Variants in MEI4 observed in about 807,000 individuals in gnomAD.
MEI4 encodes meiotic double-stranded break formation protein 4.
In MEI4, 27 loss-of-function variants were observed where a neutral mutation model predicts 31.4. That is an observed-to-expected ratio of 0.86 (90% CI 0.63 to 1.19). MEI4 has a LOEUF of 1.19. Ranked by LOEUF, MEI4 falls within the 50% of genes most tolerant of loss-of-function variation. The pLI, the probability that MEI4 is intolerant of heterozygous loss-of-function variation, is 0.00. For synonymous variants in MEI4, 122 were observed against 145.4 expected (o/e 0.84, Z 1.16); for missense variants, 329 against 398.9 (o/e 0.82, Z 1.49).
At chr6:77,716,584 T>C (rs1289288229) in intron 2 of MEI4, among the ~76,000 whole-genome samples, 1 of 151,950 alleles carries the variant, frequency 6.6e-6, no homozygotes, top group Non-Finnish European at 1.5e-5. Flanking sequence ...TGCCCTGGGA[T>C]TGGCAAAAAA....
intron 3 of MEI4, among the ~76,000 whole-genome samples, chr6:77,799,336 G>T (rs1202814874): frequency 4.6e-5 from 7 of 152,010 alleles, no homozygotes; most frequent in African/African-American, 1.5e-4. Flanking sequence ...TTTTTGATGG[G>T]GTTGTTTGTT....
At chr6:77,880,942 TAAATTA>T (rs1771475328) in intron 4 of MEI4, among the ~76,000 whole-genome samples, 1 of 152,144 alleles carries the variant, frequency 6.6e-6, no homozygotes, top group Non-Finnish European at 1.5e-5. Flanking sequence ...TATATGGTTT[TAAATTA>T]AAATTAAAAA....
chr6:77,914,359 T>A (rs1766496078), intron 4 of MEI4, among the ~76,000 whole-genome samples: 1 of 152,112 alleles, frequency 6.6e-6, no homozygotes, highest in Admixed American at 6.6e-5. Flanking sequence ...CTAATGCTCA[T>A]TCAGGCACAT....
At chr6:77,759,706 T>G (rs932532243) in intron 2 of MEI4, among the ~76,000 whole-genome samples, 1 of 152,160 alleles carries the variant, frequency 6.6e-6, no homozygotes, top group African/African-American at 2.4e-5. Context: ...TCCCAGTCAG[T>G]CCTTTTCTTT....
chr6:77,924,318 T>G lies in MEI4; in HGVS notation c.*972T>G, dbSNP rs1196714063. 1 of 151,932 alleles carries G rather than the reference T, an allele frequency of 6.6e-6. No individual in the cohort carries two copies. Among genetic ancestry groups the G allele is most frequent in the Admixed American group, 6.6e-5 (1 of 15,198 alleles). 9.4% of individuals were successfully genotyped at this position (151,932 alleles called of 1,614,324 possible). ...AATGTCGTTGGCATTAAAAGTAATCTTGATAATTCCATCTACAATGTATAT... is the reference window on the plus strand; with the variant it reads ...AATGTCGTTGGCATTAAAAGTAATCGTGATAATTCCATCTACAATGTATAT... On this transcript the variant is annotated 3_prime_UTR_variant, in exon 5 of 5. Transcript: ENST00000684080.
intron 3 of MEI4, among the ~76,000 whole-genome samples, chr6:77,786,623 T>C (rs1768743245): frequency 6.6e-6 from 1 of 152,116 alleles, no homozygotes; most frequent in African/African-American, 2.4e-5. Context: ...TAAAACTGTT[T>C]ATATTTGTAG....
intron 4 of MEI4, among the ~76,000 whole-genome samples, chr6:77,850,605 CTT>C: frequency 6.6e-6 from 1 of 152,178 alleles, no homozygotes; most frequent in Non-Finnish European, 1.5e-5. Context: ...GAAACTGGAT[CTT>C]TTCCTTACAC....
chr6:77,793,172 A>G (rs1007134887), intron 3 of MEI4, among the ~76,000 whole-genome samples: 25 of 152,186 alleles, frequency 1.6e-4, no homozygotes, highest in African/African-American at 5.8e-4. Flanking sequence ...CTAATCACAT[A>G]CAAGTAAACC....
At chr6:77,848,140 A>T (rs375221803) in intron 4 of MEI4, among the ~76,000 whole-genome samples, 1 of 152,328 alleles carries the variant, frequency 6.6e-6, no homozygotes, top group East Asian at 1.9e-4. Flanking sequence ...AGCAACTATA[A>T]GGTATAATGA....
intron 2 of MEI4, among the ~76,000 whole-genome samples, chr6:77,736,066 G>T (rs1464814452): frequency 2.0e-5 from 3 of 152,080 alleles, no homozygotes; most frequent in Non-Finnish European, 4.4e-5. Context: ...TAAGTCTGCA[G>T]AGGTTACTGC....
intron 3 of MEI4, among the ~76,000 whole-genome samples, chr6:77,776,375 G>A (rs867987343): frequency 2.6e-5 from 4 of 151,864 alleles, no homozygotes; most frequent in Non-Finnish European, 5.9e-5. Flanking sequence ...AGGCCATGCC[G>A]CTACCCACAG....
At chr6:77,840,955 G>T (rs542879916) in intron 4 of MEI4, among the ~76,000 whole-genome samples, 1 of 152,044 alleles carries the variant, frequency 6.6e-6, no homozygotes, top group South Asian at 2.1e-4. Context: ...TGCTTCACAT[G>T]TAGGAAAATT....
intron 1 of MEI4, among the ~76,000 whole-genome samples, chr6:77,683,608 GT>G (rs1768998154): frequency 6.6e-6 from 1 of 151,974 alleles, no homozygotes; most frequent in Admixed American, 6.6e-5. Flanking sequence ...GTCTCTATAG[GT>G]TTGACTATTT....
chr6:77,674,651 A>G (rs1175604797), intron 1 of MEI4, among the ~76,000 whole-genome samples: 1 of 152,084 alleles, frequency 6.6e-6, no homozygotes, highest in Non-Finnish European at 1.5e-5. Context: ...TGACAGAACT[A>G]CCTAATAATG....
At chr6:77,704,669 G>A (rs1194822360) in intron 2 of MEI4, among the ~76,000 whole-genome samples, 1 of 152,110 alleles carries the variant, frequency 6.6e-6, no homozygotes, top group Non-Finnish European at 1.5e-5. Context: ...TGATTCTCAT[G>A]AATACTGGAG....
chr6:77,904,647 AT>A (rs1370295117), intron 4 of MEI4, among the ~76,000 whole-genome samples: 3 of 152,096 alleles, frequency 2.0e-5, no homozygotes, highest in African/African-American at 7.2e-5. Flanking sequence ...GAACTCATTC[AT>A]TTTTATGACT....
chr6:77,851,316 C>G (rs1020735241), intron 4 of MEI4, among the ~76,000 whole-genome samples: 1 of 152,056 alleles, frequency 6.6e-6, no homozygotes, highest in African/African-American at 2.4e-5. Context: ...AGTCATGCTG[C>G]TATAAAGACA....
At chr6:77,712,494 T>C (rs570130635) in intron 2 of MEI4, among the ~76,000 whole-genome samples, 39 of 152,240 alleles carry the variant, frequency 2.6e-4, no homozygotes, top group African/African-American at 8.9e-4. Flanking sequence ...TAAATAGAAG[T>C]GGTGTGATGT....
At chr6:77,744,620 G>A (rs1484225452) in intron 2 of MEI4, among the ~76,000 whole-genome samples, 3 of 152,040 alleles carry the variant, frequency 2.0e-5, no homozygotes, top group Non-Finnish European at 2.9e-5. Flanking sequence ...TACAGAGAAC[G>A]CCACAAAGAT....
Sources: gnomAD v4.1 joint callset for allele counts (sites outside exome capture counted in the v4.1 genomes callset) on GRCh38, gnomAD v4.1.1 for gene constraint, MANE v1.5 for transcripts, NCBI Gene and HGNC (gene_info 2026-07-23, HGNC 2026-07-21) for gene names.